CADPS: variants seen among roughly 807,000 people sequenced by gnomAD.
CADPS encodes the protein calcium-dependent secretion activator 1.
CADPS carries 57 observed loss-of-function variants against 167.3 expected under a neutral mutation model. The observed-to-expected ratio is 0.34, with a 90% CI of 0.28 to 0.42. CADPS has a LOEUF of 0.42. Ranked by LOEUF, CADPS falls within the 20% of genes least tolerant of loss-of-function variation. The pLI is 1.00. For synonymous variants in CADPS, 676 were observed against 635.3 expected (o/e 1.06, Z -0.96); for missense variants, 1,414 against 1,738.1 (o/e 0.81, Z 3.32).
chr3:62,605,087 C>G (rs1481476867), intron 6 of CADPS, among the ~76,000 whole-genome samples: 1 of 152,198 alleles, frequency 6.6e-6, no homozygotes, highest in Admixed American at 6.5e-5. Flanking sequence ...CCTTAAGACA[C>G]CTTACAGGCT....
At chr3:62,401,741 T>G (rs1575546679) in intron 29 of CADPS, among the ~76,000 whole-genome samples, 2 of 151,996 alleles carry the variant, frequency 1.3e-5, no homozygotes, top group South Asian at 2.1e-4. Flanking sequence ...CATTTTTTTT[T>G]TTTTGTTTTG....
intron 6 of CADPS, among the ~76,000 whole-genome samples, chr3:62,594,674 G>C (rs542313946): frequency 1.3e-5 from 2 of 152,148 alleles, no homozygotes; most frequent in Non-Finnish European, 2.9e-5. Context: ...CTAGGAGTTA[G>C]ATATTAATTT....
chr3:62,753,800 C>A lies in CADPS; in HGVS notation c.556-27G>T. Reference sequence around the variant, plus strand: ...TGAGCAAGAACAAGGCCAGGAAAGACAGTAGGAGAGTTTACCACAGAGGTA... The same window carrying A: ...TGAGCAAGAACAAGGCCAGGAAAGAAAGTAGGAGAGTTTACCACAGAGGTA... On this transcript the variant is annotated intron_variant, in intron 2 of 29. Transcript: ENST00000383710. The surrounding 1 kb of genome is among the most constrained non-coding windows in gnomAD (Gnocchi z 4.6). 6.3e-7 allele frequency: 1 copy of A among 1,589,078 alleles called. No homozygotes were observed. The highest frequency in any genetic ancestry group is 8.6e-7 in the Non-Finnish European group (1 of 1,165,640).
chr3:62,604,103 T>C (rs184499801), intron 6 of CADPS, among the ~76,000 whole-genome samples: 2 of 152,234 alleles, frequency 1.3e-5, no homozygotes, highest in East Asian at 3.9e-4. Flanking sequence ...GTGCTGGGAT[T>C]ACAGGTGTGA....
At chr3:62,742,934 GAAAC>G (rs1348327697) in intron 3 of CADPS, among the ~76,000 whole-genome samples, 9 of 151,910 alleles carry the variant, frequency 5.9e-5, no homozygotes. Context: ...AAATTTATAA[GAAAC>G]AAACAACCCA....
At position 62,662,364 on chromosome 3, in the gene CADPS, T is replaced by C; in HGVS notation, c.919A>G (p.Ile307Val). 1 of 1,614,010 alleles carries C rather than the reference T, an allele frequency of 6.2e-7. No individual in the cohort carries two copies. The highest frequency in any genetic ancestry group is 8.5e-7 in the Non-Finnish European group (1 of 1,179,918). ...LDNPDEQAAQ[I>V]RRELDGRLQM... ...AGACGTCCATCCAGCTCTCGTCTGA[T>C]CTGGGCTGCTTGCTCATCTGGATTG... is the stretch of plus-strand genomic sequence containing the variant. The change falls in exon 4 of 30, where the codon ATC becomes GTC. Residue 307 changes from isoleucine (I) to valine (V), a missense_variant. Coordinates refer to ENST00000383710, the MANE Select transcript of CADPS (RefSeq NM_003716.4).
chr3:62,434,038 T>G (rs545031042), intron 28 of CADPS, among the ~76,000 whole-genome samples: 17 of 152,334 alleles, frequency 1.1e-4, no homozygotes, highest in Admixed American at 3.9e-4. Flanking sequence ...TATATTTTCT[T>G]TGAATGTCAG....
In CADPS at chr3:62,458,091, A is replaced by G. The variant is rs575567702; in HGVS notation, c.3636+7276T>C. On this transcript the variant is annotated intron_variant, in intron 26 of 29. Transcript: ENST00000383710. The surrounding 1 kb of genome is among the most constrained non-coding windows in gnomAD (Gnocchi z 4.6). ...AACTTGAAGTATAATTTAAAAAAAA[A>G]TTTTTAAAAAAGCACCAGGGTCATG... Among the ~76,000 whole-genome samples, 1 of 152,218 alleles carries G rather than the reference A, an allele frequency of 6.6e-6. No individual in the cohort carries two copies.
At chr3:62,502,787 T>C (rs2065980209) in intron 17 of CADPS, among the ~76,000 whole-genome samples, 2 of 152,044 alleles carry the variant, frequency 1.3e-5, no homozygotes, top group South Asian at 4.2e-4. Context: ...TGATATAACA[T>C]GCTGGTCTGT....
chr3:62,415,005 C>G (rs1016778951), intron 28 of CADPS, among the ~76,000 whole-genome samples: 2 of 152,126 alleles, frequency 1.3e-5, no homozygotes, highest in Non-Finnish European at 2.9e-5. Context: ...GGGACACAGA[C>G]CCTCCCGTCT....
intron 3 of CADPS, among the ~76,000 whole-genome samples, chr3:62,676,375 A>G (rs541872549): frequency 6.6e-6 from 1 of 152,154 alleles, no homozygotes; most frequent in African/African-American, 2.4e-5. Context: ...GGAACTGTCA[A>G]TATCCTAACA....
At chr3:62,802,009 T>C (rs187354812) in intron 1 of CADPS, among the ~76,000 whole-genome samples, 1 of 152,284 alleles carries the variant, frequency 6.6e-6, no homozygotes, top group African/African-American at 2.4e-5. Flanking sequence ...GTGGTTTCTA[T>C]CCAGTGAAGT....
intron 6 of CADPS, among the ~76,000 whole-genome samples, chr3:62,630,944 T>C (rs1400169181): frequency 6.6e-6 from 1 of 152,176 alleles, no homozygotes; most frequent in Non-Finnish European, 1.5e-5. Flanking sequence ...CAAGGTTATG[T>C]AGGTTTCTCA....
Position 62,874,310 on chromosome 3 carries a change from C to T in CADPS, c.441+279G>A, listed in dbSNP as rs1393064224. 6.6e-6 allele frequency among the ~76,000 whole-genome samples: 1 copy of T among 152,204 alleles called. No homozygotes were observed. Among genetic ancestry groups the T allele is most frequent in the African/African-American group, 2.4e-5 (1 of 41,470 alleles). ...GGTCCACAAAGCGGGACCTGCCTGC[C>T]TCGCTCACCAACGCTCCCGGGCTGG... On this transcript the variant is annotated intron_variant, in intron 1 of 29. Transcript: ENST00000383710. The surrounding 1 kb of genome is among the most constrained non-coding windows in gnomAD (Gnocchi z 7.1).
chr3:62,848,089 G>C (rs1258329879), intron 1 of CADPS, among the ~76,000 whole-genome samples: 5 of 139,848 alleles, frequency 3.6e-5, no homozygotes, highest in Non-Finnish European at 7.6e-5. Context: ...TTAGAGAAGT[G>C]TCTGTTCATG....
At chr3:62,580,613 G>C (rs1405675563) in intron 8 of CADPS, among the ~76,000 whole-genome samples, 1 of 145,336 alleles carries the variant, frequency 6.9e-6, no homozygotes, top group Non-Finnish European at 1.5e-5. Context: ...AAAAGAAAGA[G>C]GCAAGAAAAA....
At chr3:62,820,716 T>C (rs2094863771) in intron 1 of CADPS, among the ~76,000 whole-genome samples, 1 of 152,102 alleles carries the variant, frequency 6.6e-6, no homozygotes, top group African/African-American at 2.4e-5. Context: ...GCATATACCA[T>C]TCCCTTTGTT....
intron 1 of CADPS, among the ~76,000 whole-genome samples, chr3:62,794,951 GTC>G (rs1439590313): frequency 6.6e-6 from 1 of 151,986 alleles, no homozygotes; most frequent in Non-Finnish European, 1.5e-5. Flanking sequence ...TCAGATCACT[GTC>G]TCTTTGCCAG....
At position 62,465,587 on chromosome 3, in the gene CADPS, C is replaced by T. The variant is rs1191289557; in HGVS notation, c.3553-137G>A. 1.6e-5 allele frequency: 9 copies of T among 553,066 alleles called. No individual in the cohort carries two copies. Among genetic ancestry groups the T allele is most frequent in the Non-Finnish European group, 2.2e-5 (7 of 311,806 alleles). The allele number at this position is 553,066 out of a possible 1,614,324, so 34.3% of individuals were successfully genotyped here. A position where few individuals can be genotyped will look rare whatever the true frequency, so the allele number is the denominator to read the frequency against. On this transcript the variant is annotated intron_variant, in intron 25 of 29. Coordinates refer to ENST00000383710, the MANE Select transcript of CADPS (RefSeq NM_003716.4). The surrounding 1 kb of genome is among the most constrained non-coding windows in gnomAD (Gnocchi z 4.1). ...CTGCAGTCTATTATTTGATTCCCGC[C>T]TTCGGAGAAAGGAATAGACTGCCTT...
Sources: gnomAD v4.1 joint callset for allele counts (sites outside exome capture counted in the v4.1 genomes callset) on GRCh38, gnomAD v4.1.1 for gene constraint, Gnocchi (gnomAD v3.1) non-coding constraint, MANE v1.5 for transcripts, NCBI Gene and HGNC (gene_info 2026-07-23, HGNC 2026-07-21) for gene names.